Variants in TMEM135 observed in about 807,000 individuals in gnomAD.
The protein encoded by TMEM135 is transmembrane protein 135, also known as peroxisomal membrane protein 52.
Under a neutral mutation model 60.3 loss-of-function variants are expected in TMEM135, and 30 were observed. That is an observed-to-expected ratio of 0.50 (90% CI 0.37 to 0.68). The LOEUF is 0.68. Among genes scored for constraint, TMEM135 ranks in the 30% least tolerant of loss-of-function variants. The pLI is 0.00. For synonymous variants in TMEM135, 190 were observed against 186.7 expected (o/e 1.02, Z -0.14); for missense variants, 468 against 548.8 (o/e 0.85, Z 1.47).
chr11:87,070,382 C>T (rs1040119957), intron 2 of TMEM135, among the ~76,000 whole-genome samples: 6 of 151,994 alleles, frequency 3.9e-5, no homozygotes, highest in African/African-American at 7.2e-5. Context: ...CGTTGGCTCA[C>T]GCCTGTAATC....
rs984944344 is a variant in TMEM135, at chr11:87,227,855, A to G, written c.463-8783A>G. 3.9e-5 allele frequency among the ~76,000 whole-genome samples: 6 copies of G among 152,168 alleles called. No individual in the cohort carries two copies. The East Asian group carries it at 1.2e-3, about 29-fold the overall frequency. On this transcript the variant is annotated intron_variant, in intron 5 of 14. Coordinates refer to ENST00000305494, the MANE Select transcript of TMEM135 (RefSeq NM_022918.4). ...GAGTCTAAAGTTTAGTCTTTTAAAA[A>G]AGTATATGAATGGGAGTACTGTTTA...
chr11:87,091,934 C>T (rs182564171), intron 4 of TMEM135, among the ~76,000 whole-genome samples: 7 of 152,062 alleles, frequency 4.6e-5, no homozygotes, highest in Admixed American at 6.5e-5. Context: ...AATATATAAT[C>T]AAGTTTATGT....
At chr11:87,129,213 ATTTTTTTTT>A (rs71040295) in intron 4 of TMEM135, among the ~76,000 whole-genome samples, 2 of 116,270 alleles carry the variant, frequency 1.7e-5, no homozygotes, top group African/African-American at 3.3e-5. Context: ...TTATTCCTTA[ATTTTTTTTT>A]TTTTTTTTTT....
chr11:87,124,681 G>A (rs1264545377), intron 4 of TMEM135, among the ~76,000 whole-genome samples: 1 of 152,080 alleles, frequency 6.6e-6, no homozygotes, highest in African/African-American at 2.4e-5. Flanking sequence ...TCTGAATTTG[G>A]AAATCTTTCC....
intron 1 of TMEM135, among the ~76,000 whole-genome samples, chr11:87,062,723 A>G (rs1286864471): frequency 6.6e-6 from 1 of 152,006 alleles, no homozygotes; most frequent in Non-Finnish European, 1.5e-5. Flanking sequence ...TCGGCCTCCC[A>G]AAGTGCTGGG....
chr11:87,259,169 G>A (rs1015303377), intron 6 of TMEM135: 14 of 593,636 alleles, frequency 2.4e-5, no homozygotes, highest in Middle Eastern at 6.4e-4. Context: ...GCTTCTCCTC[G>A]TCGTCCTCCT....
At chr11:87,068,099 G>C (rs567663995) in intron 2 of TMEM135, among the ~76,000 whole-genome samples, 1 of 152,266 alleles carries the variant, frequency 6.6e-6, no homozygotes, top group Admixed American at 6.5e-5. Flanking sequence ...TTACCAAGTT[G>C]TTGAATAGGA....
chr11:87,246,725 G>C (rs1396541924), intron 6 of TMEM135, among the ~76,000 whole-genome samples: 1 of 135,298 alleles, frequency 7.4e-6, no homozygotes, highest in Non-Finnish European at 1.6e-5. Flanking sequence ...GCACTTCTCT[G>C]TATTGGTTAT....
chr11:87,077,337 A>G (rs966835560), intron 3 of TMEM135, among the ~76,000 whole-genome samples: 3 of 152,116 alleles, frequency 2.0e-5, no homozygotes, highest in Admixed American at 2.0e-4. Flanking sequence ...TTCCTTTTTT[A>G]TTGCCCAGTA....
At chr11:87,099,667 A>T (rs1857408428) in intron 4 of TMEM135, among the ~76,000 whole-genome samples, 1 of 140,910 alleles carries the variant, frequency 7.1e-6, no homozygotes, top group South Asian at 2.2e-4. Context: ...TATTGTGGTT[A>T]CATGTTTCAT....
intron 1 of TMEM135, among the ~76,000 whole-genome samples, chr11:87,058,917 T>A (rs1395879752): frequency 1.3e-5 from 2 of 151,928 alleles, no homozygotes; most frequent in South Asian, 4.2e-4. Context: ...CAAGGTCTTA[T>A]TTTTAATTTT....
At chr11:87,227,932 T>A (rs1216813980) in intron 5 of TMEM135, among the ~76,000 whole-genome samples, 1 of 152,192 alleles carries the variant, frequency 6.6e-6, no homozygotes, top group Non-Finnish European at 1.5e-5. Context: ...ATAAAAACTC[T>A]TATTATCAAT....
intron 4 of TMEM135, among the ~76,000 whole-genome samples, chr11:87,156,426 A>G (rs776096760): frequency 2.0e-5 from 3 of 152,184 alleles, no homozygotes; most frequent in Non-Finnish European, 2.9e-5. Flanking sequence ...TAGGGATTGC[A>G]TTGAATCTGT....
intron 2 of TMEM135, 22 bp from the exon 3 acceptor site, chr11:87,071,501 A>T: frequency 6.2e-7 from 1 of 1,603,996 alleles, no homozygotes; most frequent in East Asian, 2.2e-5. Context: ...TTTCATACAA[A>T]AATTCCAAAT....
At chr11:87,147,410 G>A (rs1201668995) in intron 4 of TMEM135, among the ~76,000 whole-genome samples, 1 of 152,188 alleles carries the variant, frequency 6.6e-6, no homozygotes, top group Non-Finnish European at 1.5e-5. Flanking sequence ...ATATTGCCCA[G>A]TCTGGCCTCT....
chr11:87,111,650 C>CA (rs746609752), intron 4 of TMEM135, among the ~76,000 whole-genome samples: 1,406 of 73,606 alleles, frequency 0.019, 16 homozygotes, highest in African/African-American at 0.047. Context: ...GACTCCGTCT[C>CA]AAAAAAAAAA....
chr11:87,284,284 G>C (rs1942123352), intron 6 of TMEM135, among the ~76,000 whole-genome samples: 1 of 152,158 alleles, frequency 6.6e-6, no homozygotes, highest in Non-Finnish European at 1.5e-5. Context: ...TTCATTTTCA[G>C]AAGGAAATTT....
intron 4 of TMEM135, among the ~76,000 whole-genome samples, chr11:87,094,511 A>G (rs758995616): frequency 2.6e-5 from 4 of 152,034 alleles, no homozygotes; most frequent in East Asian, 1.9e-4. Flanking sequence ...ACTTCTTTCA[A>G]TTCCCTCCGC....
At chr11:87,093,598 T>C (rs554866563) in intron 4 of TMEM135, among the ~76,000 whole-genome samples, 11 of 152,206 alleles carry the variant, frequency 7.2e-5, no homozygotes, top group South Asian at 6.2e-4. Flanking sequence ...TGGTGTGATA[T>C]TGGCTCACTG....
Sources: gnomAD v4.1 joint callset for allele counts (sites outside exome capture counted in the v4.1 genomes callset) on GRCh38, gnomAD v4.1.1 for gene constraint, MANE v1.5 for transcripts, NCBI Gene and HGNC (gene_info 2026-07-23, HGNC 2026-07-21) for gene names.